XYLB: variants seen among roughly 807,000 people sequenced by gnomAD.
XYLB encodes xylulokinase, also known as xylulose kinase.
XYLB carries 62 observed loss-of-function variants against 78.7 expected under a neutral mutation model. The observed-to-expected ratio is 0.79, with a 90% CI of 0.64 to 0.97. XYLB has a LOEUF of 0.97. Ranked by LOEUF, XYLB falls within the 50% of genes least tolerant of loss-of-function variation. XYLB has a pLI of 0.00. For missense variants in XYLB, 687 were observed against 676.8 expected, an observed-to-expected ratio of 1.02 and a Z score of -0.17; for synonymous variants, 245 against 247.4, an observed-to-expected ratio of 0.99 and a Z score of 0.09.
chr3:38,435,117 CAG>C, the XYLB span, among the ~76,000 whole-genome samples: 1 of 152,238 alleles, frequency 6.6e-6, no homozygotes, highest in South Asian at 2.1e-4. Flanking sequence ...GCCTGGGTGA[CAG>C]AGTAAGACAG....
At chr3:38,369,367 G>C (rs1356444241) in intron 8 of XYLB, among the ~76,000 whole-genome samples, 1 of 152,188 alleles carries the variant, frequency 6.6e-6, no homozygotes, top group African/African-American at 2.4e-5. Flanking sequence ...CGCAGCAGCT[G>C]TTCCGGGGGG....
the XYLB span, among the ~76,000 whole-genome samples, chr3:38,436,900 AGG>A: frequency 6.6e-6 from 1 of 151,832 alleles, no homozygotes; most frequent in Non-Finnish European, 1.5e-5. Flanking sequence ...GCTACTTGGG[AGG>A]CTGAGGCAGA....
chr3:38,400,034 C>G (rs540707311), intron 17 of XYLB, among the ~76,000 whole-genome samples: 1 of 152,288 alleles, frequency 6.6e-6, no homozygotes, highest in Non-Finnish European at 1.5e-5. Flanking sequence ...AAAACTGGTC[C>G]TCACATCTTC....
At chr3:38,427,758 A>G in the XYLB span, among the ~76,000 whole-genome samples, 2 of 151,972 alleles carry the variant, frequency 1.3e-5, no homozygotes, top group African/African-American at 4.8e-5. Context: ...ACACCTGGCT[A>G]ATTTTTGTAT....
rs1708094470 is a variant in XYLB, at chr3:38,400,887, C to G, written c.1439-4C>G. Reference sequence around the variant, plus strand: ...ACTAATGTGAAGTGACCTTTCCCTTCTAGGTCTTGCAGGTGGAACAGATGT... The same window carrying G: ...ACTAATGTGAAGTGACCTTTCCCTTGTAGGTCTTGCAGGTGGAACAGATGT... On this transcript the variant is annotated splice_polypyrimidine_tract_variant and splice_region_variant and intron_variant, in intron 17 of 18. Coordinates refer to ENST00000207870, the MANE Select transcript of XYLB (RefSeq NM_005108.4). 2.5e-6 allele frequency: 4 copies of G among 1,613,558 alleles called. No individual in the cohort carries two copies. The highest frequency in any genetic ancestry group is 3.4e-6 in the Non-Finnish European group (4 of 1,179,790).
At chr3:38,429,612 C>A in the XYLB span, among the ~76,000 whole-genome samples, 1 of 152,138 alleles carries the variant, frequency 6.6e-6, no homozygotes, top group Non-Finnish European at 1.5e-5. Flanking sequence ...GCACAACGTG[C>A]AGGTTTGTTA....
intron 9 of XYLB, chr3:38,372,345 G>A: frequency 1.0e-5 from 10 of 980,492 alleles, no homozygotes; most frequent in Non-Finnish European, 1.2e-5. Flanking sequence ...AGAATTTGGA[G>A]CTTATAAAGC....
chr3:38,362,916 G>A lies in XYLB; in HGVS notation c.211-21G>A, dbSNP rs372961562. 178 of 1,541,990 alleles carry A rather than the reference G, an allele frequency of 1.2e-4. No individual in the cohort carries two copies. The African/African-American group carries it at 2.3e-3, about 20-fold the overall frequency. The stretch of plus-strand genomic sequence containing the variant: ...TTCAGTGGTTCTGTACAGTCATGGT[G>A]GGTTCTGTTTTTCTTCTTAGGCACT... On this transcript the variant is annotated intron_variant, in intron 3 of 18. Transcript: ENST00000207870.
rs144543654 is a variant in XYLB at position 38,398,424 on chromosome 3, C to T, written c.1438+1265C>T. ...CAGAGGTTGCAGTGAGCCGAGATTG[C>T]GCCATTGCACTCCAGCCTGGGTGAC... On this transcript the variant is annotated intron_variant, in intron 17 of 18. Transcript: ENST00000207870. 2.5e-4 allele frequency among the ~76,000 whole-genome samples: 38 copies of T among 151,468 alleles called. No homozygotes were observed. In the East Asian group the frequency reaches 5.2e-3, roughly 21 times the overall value.
At chr3:38,440,118 T>C in the XYLB span, among the ~76,000 whole-genome samples, 1 of 152,234 alleles carries the variant, frequency 6.6e-6, no homozygotes, top group Non-Finnish European at 1.5e-5. Context: ...AGTAAGGTTA[T>C]TAGTTGTATG....
At chr3:38,399,461 A>G (rs995876848) in intron 17 of XYLB, among the ~76,000 whole-genome samples, 1 of 116,454 alleles carries the variant, frequency 8.6e-6, no homozygotes, top group Non-Finnish European at 2.2e-5. Context: ...ATTTTAAGAG[A>G]GAATTCAATA....
Position 38,348,542 on chromosome 3 carries a change from C to T in XYLB, c.58-8C>T. ...ATTCTACACTTCCTTTTTTAAAATG[C>T]CTTTCAGGTAAAGGTTGTTGCTGTT... On this transcript the variant is annotated splice_polypyrimidine_tract_variant and splice_region_variant and intron_variant, in intron 1 of 18. Transcript: ENST00000207870. The T allele has an allele frequency of 6.2e-7, 1 of 1,613,926 alleles. No homozygotes were observed. The highest frequency in any genetic ancestry group is 8.5e-7 in the Non-Finnish European group (1 of 1,179,900).
At chr3:38,364,058 C>G (rs3792526) in intron 4 of XYLB, among the ~76,000 whole-genome samples, 29,610 of 152,000 alleles carry the variant, frequency 0.19, 2,989 homozygotes, top group Admixed American at 0.29. Context: ...TCCCTCCTAG[C>G]TAATCCCCGA....
chr3:38,385,789 A>T (rs1437507321), intron 15 of XYLB, among the ~76,000 whole-genome samples: 1 of 152,050 alleles, frequency 6.6e-6, no homozygotes, highest in Non-Finnish European at 1.5e-5. Flanking sequence ...AGGGGCCCTG[A>T]CTTCTCTGAG....
rs1473951712 is a variant in XYLB, at chr3:38,376,932, G to A, written c.1135G>A (p.Val379Ile). Residue 379 changes from valine (V) to isoleucine (I), a missense_variant, in exon 14 of 19, where the codon GTA becomes ATA. Coordinates refer to ENST00000207870, the MANE Select transcript of XYLB (RefSeq NM_005108.4). ...NGGNLGFYFD[V>I]MEITPEIIGR... The stretch of plus-strand genomic sequence containing the variant: ...TTTTATTTCAGGTTTTTATTTTGAT[G>A]TAATGGAGATCACCCCTGAAATTAT... 9 of 1,613,898 alleles carry A rather than the reference G, an allele frequency of 5.6e-6. No homozygotes were observed. Among genetic ancestry groups the A allele is most frequent in the South Asian group, 2.2e-5 (2 of 91,058 alleles).
At chr3:38,438,488 C>G in the XYLB span, among the ~76,000 whole-genome samples, 1 of 152,144 alleles carries the variant, frequency 6.6e-6, no homozygotes, top group Non-Finnish European at 1.5e-5. Flanking sequence ...TCATTGTTCA[C>G]AGAATTAGAA....
chr3:38,376,957 T>A lies in XYLB; in HGVS notation c.1160T>A (p.Ile387Asn), dbSNP rs775808392. 2.5e-6 allele frequency: 4 copies of A among 1,614,060 alleles called. No homozygotes were observed. The highest frequency in any genetic ancestry group is 3.4e-6 in the Non-Finnish European group (4 of 1,180,018). ...FDVMEITPEI[I>N]GRHRFNTENH... ...GTAATGGAGATCACCCCTGAAATTA[T>A]TGGACGTCATAGGTTTAACACAGAA... The change falls in exon 14 of 19, where the codon ATT becomes AAT. Residue 387 changes from isoleucine (I) to asparagine (N), a missense_variant. Transcript: ENST00000207870.
At chr3:38,446,396 T>A in the XYLB span, among the ~76,000 whole-genome samples, 2 of 152,208 alleles carry the variant, frequency 1.3e-5, no homozygotes, top group Admixed American at 1.3e-4. Flanking sequence ...ACAATCCTCT[T>A]GTAAGACAGA....
At chr3:38,409,065 C>T (rs142883248) in intron 18 of XYLB, among the ~76,000 whole-genome samples, 200 of 152,262 alleles carry the variant, frequency 1.3e-3, no homozygotes, top group African/African-American at 4.5e-3. Flanking sequence ...ATACCAAAGC[C>T]GGGCAGAGAC....
Sources: gnomAD v4.1 joint callset for allele counts (sites outside exome capture counted in the v4.1 genomes callset) on GRCh38, gnomAD v4.1.1 for gene constraint, MANE v1.5 for transcripts, NCBI Gene and HGNC (gene_info 2026-07-23, HGNC 2026-07-21) for gene names.